Variants in GRID1 observed in about 807,000 individuals in gnomAD.
GRID1 encodes the protein glutamate receptor ionotropic, delta-1.
A neutral mutation model predicts 98.0 loss-of-function variants in GRID1; 28 were observed. That is an observed-to-expected ratio of 0.29 (90% CI 0.21 to 0.39). GRID1 has a LOEUF of 0.39. Ranked by LOEUF, GRID1 falls within the 10% of genes least tolerant of loss-of-function variation. The pLI, the probability that GRID1 is intolerant of heterozygous loss-of-function variation, is 1.00. For synonymous variants in GRID1, 553 were observed against 538.5 expected (o/e 1.03, Z -0.37); for missense variants, 1,111 against 1,340.5 (o/e 0.83, Z 2.67).
chr10:85,934,677 AC>A (rs1449230126), intron 4 of GRID1, among the ~76,000 whole-genome samples: 1 of 152,176 alleles, frequency 6.6e-6, no homozygotes, highest in East Asian at 1.9e-4. Flanking sequence ...TTTGTAAAAT[AC>A]CTATGTCTTT....
intron 4 of GRID1, among the ~76,000 whole-genome samples, chr10:85,994,660 T>C (rs760759314): frequency 1.3e-5 from 2 of 152,176 alleles, no homozygotes; most frequent in Non-Finnish European, 2.9e-5. Context: ...GATTACGCAG[T>C]TGTGGCAGTG....
At chr10:86,199,956 G>C (rs1845924453) in intron 3 of GRID1, among the ~76,000 whole-genome samples, 1 of 151,906 alleles carries the variant, frequency 6.6e-6, no homozygotes, top group African/African-American at 2.4e-5. Context: ...GCAAGATATG[G>C]CTCCCAGAGA....
intron 4 of GRID1, among the ~76,000 whole-genome samples, chr10:86,045,154 C>T (rs77933656): frequency 0.044 from 6,664 of 152,302 alleles, 172 homozygotes; most frequent in Middle Eastern, 0.068. Flanking sequence ...CACAATAACA[C>T]ATTGTGGTAG....
In GRID1 at chr10:86,309,599, A is replaced by G. The variant is rs138332124; in HGVS notation, c.235+54342T>C. Among the ~76,000 whole-genome samples, 337 of 152,256 alleles carry G rather than the reference A, an allele frequency of 2.2e-3. 1 individual carries two copies. The highest frequency in any genetic ancestry group is 7.9e-3 in the African/African-American group (327 of 41,526). On this transcript the variant is annotated intron_variant, in intron 2 of 15. Transcript: ENST00000327946. ...CCTGGCAGCATCCTGTCCTGGCAGC[A>G]CCGCGTGGGAGGAACTCTGAACTAG...
At chr10:85,617,721 A>G (rs1842808678) in intron 14 of GRID1, among the ~76,000 whole-genome samples, 1 of 152,230 alleles carries the variant, frequency 6.6e-6, no homozygotes, top group Non-Finnish European at 1.5e-5. Context: ...AGCAAATAGT[A>G]ATCAATCACT....
intron 2 of GRID1, among the ~76,000 whole-genome samples, chr10:86,214,965 G>A (rs964778828): frequency 1.3e-5 from 2 of 152,200 alleles, no homozygotes; most frequent in Non-Finnish European, 2.9e-5. Context: ...ACTTGCCAAG[G>A]TCTCACAGTG....
chr10:86,006,530 A>G (rs1842862325), intron 4 of GRID1, among the ~76,000 whole-genome samples: 1 of 152,112 alleles, frequency 6.6e-6, no homozygotes, highest in Admixed American at 6.5e-5. Flanking sequence ...AGGTGGGAGA[A>G]TCGCTTGAAC....
chr10:86,130,176 T>A (rs1380386975), intron 4 of GRID1, among the ~76,000 whole-genome samples: 1 of 139,738 alleles, frequency 7.2e-6, no homozygotes. Flanking sequence ...ACATGCTTAC[T>A]GTTGCATGAC....
intron 8 of GRID1, among the ~76,000 whole-genome samples, chr10:85,758,829 G>C (rs1269944438): frequency 6.6e-6 from 1 of 152,158 alleles, no homozygotes; most frequent in Non-Finnish European, 1.5e-5. Flanking sequence ...TGCTAGTACT[G>C]AAAGGCAGCA....
chr10:86,130,941 C>T (rs1564684672), intron 4 of GRID1, among the ~76,000 whole-genome samples: 2 of 152,148 alleles, frequency 1.3e-5, no homozygotes, highest in Non-Finnish European at 2.9e-5. Context: ...CTGCGTGCCC[C>T]CCATCCCGTA....
intron 12 of GRID1, among the ~76,000 whole-genome samples, chr10:85,692,299 C>T (rs535997316): frequency 6.6e-6 from 1 of 152,060 alleles, no homozygotes; most frequent in Non-Finnish European, 1.5e-5. Flanking sequence ...TCAGTGAAGG[C>T]ACAGTTTAAT....
At chr10:85,922,689 T>G (rs929317567) in intron 4 of GRID1, among the ~76,000 whole-genome samples, 1 of 152,192 alleles carries the variant, frequency 6.6e-6, no homozygotes, top group Non-Finnish European at 1.5e-5. Context: ...CTCCAAAGCA[T>G]GCAGGAGCGC....
At chr10:86,081,352 A>G (rs539814004) in intron 4 of GRID1, among the ~76,000 whole-genome samples, 8 of 152,182 alleles carry the variant, frequency 5.3e-5, no homozygotes, top group Non-Finnish European at 1.0e-4. Context: ...GAAACTGACA[A>G]TGCAAGAATT....
chr10:85,847,293 A>G (rs538157322), intron 8 of GRID1, among the ~76,000 whole-genome samples: 1 of 152,326 alleles, frequency 6.6e-6, no homozygotes, highest in Admixed American at 6.5e-5. Flanking sequence ...CCCTGAGAAT[A>G]GCCAAGTTGA....
chr10:86,364,731 C>A (rs970598126), intron 1 of GRID1, among the ~76,000 whole-genome samples: 2 of 152,232 alleles, frequency 1.3e-5, no homozygotes, highest in African/African-American at 4.8e-5. Context: ...CTTCCCCACT[C>A]CCATTTCCTG....
At position 85,812,330 on chromosome 10, in the gene GRID1, T is replaced by C. The variant is rs75109513; in HGVS notation, c.1233+42166A>G. Among the ~76,000 whole-genome samples the C allele has an allele frequency of 6.8e-3, 1,037 of 152,036 alleles. 16 individuals are homozygous for C. The highest frequency in any genetic ancestry group is 0.023 in the African/African-American group (950 of 41,494). On this transcript the variant is annotated intron_variant, in intron 8 of 15. Transcript: ENST00000327946. ...ATCAAACCTTACTATGACATGAGAATAAGATTACATACATAAAGTATTAAA... is the reference window on the plus strand; with the variant it reads ...ATCAAACCTTACTATGACATGAGAACAAGATTACATACATAAAGTATTAAA...
At chr10:85,959,509 C>T (rs1018375311) in intron 4 of GRID1, among the ~76,000 whole-genome samples, 1 of 152,218 alleles carries the variant, frequency 6.6e-6, no homozygotes, top group Non-Finnish European at 1.5e-5. Context: ...GGAGAGTTCC[C>T]TGTGCACTGC....
At chr10:86,320,998 G>T (rs1329018001) in intron 2 of GRID1, among the ~76,000 whole-genome samples, 2 of 151,810 alleles carry the variant, frequency 1.3e-5, no homozygotes, top group Non-Finnish European at 2.9e-5. Context: ...TGCTTGGGAG[G>T]CTGAGGCAGG....
chr10:85,993,744 T>G (rs1162567123), intron 4 of GRID1, among the ~76,000 whole-genome samples: 6 of 152,228 alleles, frequency 3.9e-5, no homozygotes, highest in Non-Finnish European at 5.9e-5. Flanking sequence ...TTACATGAAT[T>G]GTCCTATTTT....
Sources: gnomAD v4.1 joint callset for allele counts (sites outside exome capture counted in the v4.1 genomes callset) on GRCh38, gnomAD v4.1.1 for gene constraint, MANE v1.5 for transcripts, NCBI Gene and HGNC (gene_info 2026-07-23, HGNC 2026-07-21) for gene names.